Variants in THADA observed in about 807,000 individuals in gnomAD.
THADA encodes the protein THADA armadillo repeat containing, also known as tRNA (32-2'-O)-methyltransferase regulator THADA.
THADA carries 213 observed loss-of-function variants against 219.8 expected under a neutral mutation model. That is an observed-to-expected ratio of 0.97 (90% CI 0.87 to 1.09). The LOEUF (loss-of-function observed/expected upper bound fraction) is 1.09, where lower values mean the gene tolerates loss of function less well. Among genes scored for constraint, THADA ranks in the 50% least tolerant of loss-of-function variants. THADA has a pLI of 0.00. For synonymous variants in THADA, 1,018 were observed against 828.9 expected, an observed-to-expected ratio of 1.23 and a Z score of -3.92; for missense variants, 2,956 against 2,311.3, an observed-to-expected ratio of 1.28 and a Z score of -5.72.
chr2:43,590,688 A>G (rs991785528), intron 4 of THADA, 136 bp downstream of exon 4: 1 of 885,050 alleles, frequency 1.1e-6, no homozygotes, highest in Admixed American at 2.9e-5. Context: ...AATCAATGAA[A>G]CAGAGAACAA....
chr2:43,440,753 C>T (rs939664629), intron 26 of THADA, among the ~76,000 whole-genome samples: 2 of 152,172 alleles, frequency 1.3e-5, no homozygotes, highest in South Asian at 2.1e-4. Context: ...AAGAAACACA[C>T]GTAATCTCAC....
chr2:43,326,865 T>C (rs1012934533), intron 30 of THADA, among the ~76,000 whole-genome samples: 21 of 152,238 alleles, frequency 1.4e-4, no homozygotes, highest in African/African-American at 4.6e-4. Context: ...CAGAATTCAC[T>C]GCCATCTTCA....
In THADA at chr2:43,428,244, T is replaced by C. The variant is rs1450782738; in HGVS notation, c.3927-13A>G. On this transcript the variant is annotated splice_polypyrimidine_tract_variant and intron_variant, in intron 27 of 37. Coordinates refer to ENST00000405975, the MANE Select transcript of THADA (RefSeq NM_022065.5). ...TTCTCCCATATCACTGAAACAACAA[T>C]TATTACACATGAAAGATTTCACATT... 1.1e-5 allele frequency: 18 copies of C among 1,580,580 alleles called. No homozygotes were observed. In the East Asian group the frequency reaches 4.1e-4, roughly 36 times the overall value.
chr2:43,301,305 C>G (rs1313446157), intron 31 of THADA, among the ~76,000 whole-genome samples: 2 of 152,132 alleles, frequency 1.3e-5, no homozygotes, highest in East Asian at 1.9e-4. Flanking sequence ...ATAAAAACAC[C>G]AAAGGAGAGA....
chr2:43,273,657 G>C (rs1459063726), intron 36 of THADA, among the ~76,000 whole-genome samples: 5 of 152,172 alleles, frequency 3.3e-5, no homozygotes, highest in Non-Finnish European at 5.9e-5. Context: ...GGCAGCCTTA[G>C]AGGTTCCAGG....
At chr2:43,266,160 G>C (rs556169224) in intron 36 of THADA, among the ~76,000 whole-genome samples, 5 of 152,320 alleles carry the variant, frequency 3.3e-5, no homozygotes, top group African/African-American at 1.2e-4. Flanking sequence ...GCTGGGGCCA[G>C]TGAGCTTGCC....
At chr2:43,424,706 G>A (rs1678191363) in intron 28 of THADA, among the ~76,000 whole-genome samples, 1 of 152,150 alleles carries the variant, frequency 6.6e-6, no homozygotes. Flanking sequence ...GGGGTAGCAT[G>A]GGTTTTCCCT....
intron 13 of THADA, 82 bp from the exon 14 acceptor site, chr2:43,570,592 A>G: frequency 7.0e-7 from 1 of 1,430,008 alleles, no homozygotes; most frequent in Non-Finnish European, 9.4e-7. Flanking sequence ...TATTTAGAAT[A>G]AAACTTCAGG....
chr2:43,404,688 C>A (rs935797925), intron 28 of THADA, among the ~76,000 whole-genome samples: 2 of 152,150 alleles, frequency 1.3e-5, no homozygotes, highest in African/African-American at 4.8e-5. Context: ...AGAACAGAAA[C>A]AGGGTCTTCA....
rs1470515936 is a variant in THADA at position 43,377,874 on chromosome 2, G to A, written c.4227+20097C>T. On this transcript the variant is annotated intron_variant, in intron 29 of 37. Coordinates refer to ENST00000405975, the MANE Select transcript of THADA (RefSeq NM_022065.5). ...GAGCTAAAAAAGAATTACAACCCTT[G>A]GGAAAGGCACCAGACACCGCAAAAG... Among the ~76,000 whole-genome samples the A allele has an allele frequency of 3.3e-5, 5 of 152,176 alleles. No individual in the cohort carries two copies. The East Asian group carries it at 5.8e-4, about 18-fold the overall frequency.
At chr2:43,485,016 C>T (rs1355141250) in intron 26 of THADA, among the ~76,000 whole-genome samples, 1 of 151,186 alleles carries the variant, frequency 6.6e-6, no homozygotes, top group East Asian at 1.9e-4. Context: ...TGCTACCTTG[C>T]TAAATTTTTG....
At chr2:43,400,477 A>AG (rs11421585) in intron 28 of THADA, among the ~76,000 whole-genome samples, 2 of 138,576 alleles carry the variant, frequency 1.4e-5, no homozygotes, top group African/African-American at 2.7e-5. Flanking sequence ...ATATATATAT[A>AG]AATATATACA....
intron 26 of THADA, among the ~76,000 whole-genome samples, chr2:43,431,392 C>T (rs1679261452): frequency 6.6e-6 from 1 of 152,172 alleles, no homozygotes; most frequent in Non-Finnish European, 1.5e-5. Context: ...ACAAAGGAAC[C>T]TCTGATTTGA....
chr2:43,575,101 A>C, intron 10 of THADA, 74 bp from the exon 11 acceptor site: 2 of 1,150,032 alleles, frequency 1.7e-6, no homozygotes, highest in Admixed American at 5.1e-5. Context: ...AACAATTTAG[A>C]CTTTAAAAAT....
Position 43,279,779 on chromosome 2 carries a change from G to T in THADA, c.5282C>A (p.Thr1761Asn). The change falls in exon 36 of 38, where the codon ACC (threonine) becomes AAC (asparagine). Residue 1761 changes from threonine (T) to asparagine (N), a missense_variant. Transcript: ENST00000405975. ...GAACGAGGTACCTGTTGACTGGCAG[G>T]TATTTTCTTGTGACATGGCAGTTGT... ...TVTTAMSQEN[T>N]CQSTEFAFCQ... 1 of 1,549,576 alleles carries T rather than the reference G, an allele frequency of 6.5e-7. No homozygotes were observed. The highest frequency in any genetic ancestry group is 8.7e-7 in the Non-Finnish European group (1 of 1,146,366).
chr2:43,417,778 T>C (rs958779119), intron 28 of THADA, among the ~76,000 whole-genome samples: 3 of 152,310 alleles, frequency 2.0e-5, no homozygotes, highest in South Asian at 2.1e-4. Context: ...TAGAGTCAGA[T>C]TGTTTGGGTT....
intron 21 of THADA, among the ~76,000 whole-genome samples, chr2:43,540,123 C>G (rs1001941249): frequency 6.6e-6 from 1 of 152,220 alleles, no homozygotes; most frequent in African/African-American, 2.4e-5. Context: ...AATCATTAAT[C>G]ATAGCTGGAT....
intron 26 of THADA, chr2:43,463,036 C>T (rs1683819566): frequency 6.6e-6 from 1 of 152,222 alleles, no homozygotes; most frequent in South Asian, 2.1e-4. Context: ...ACACATACCA[C>T]TTCCATTCAT....
Position 43,231,119 on chromosome 2 carries a change from C to T in THADA, c.5691G>A (p.Lys1897=), listed in dbSNP as rs1183476224. 3 of 1,613,954 alleles carry T rather than the reference C, an allele frequency of 1.9e-6. No individual in the cohort carries two copies. The Admixed American group carries it at 5.0e-5, about 27-fold the overall frequency. The change falls in exon 38 of 38, where the codon AAG becomes AAA. Residue 1897 remains lysine, a synonymous_variant. Coordinates refer to ENST00000405975, the MANE Select transcript of THADA (RefSeq NM_022065.5). ...RELPPAAEFV[K]TVEFTRLRIQ... ...TGCGTAGTCTTGTGAACTCCACTGT[C>T]TTCACAAACTCAGCAGCTGGTGGAA...
Sources: gnomAD v4.1 joint callset for allele counts (sites outside exome capture counted in the v4.1 genomes callset) on GRCh38, gnomAD v4.1.1 for gene constraint, MANE v1.5 for transcripts, NCBI Gene and HGNC (gene_info 2026-07-23, HGNC 2026-07-21) for gene names.